Variants in C10orf67 observed in about 807,000 individuals in gnomAD.
C10orf67 encodes the protein chromosome 10 open reading frame 67.
A neutral mutation model predicts 35.6 loss-of-function variants in C10orf67; 60 were observed. The ratio of observed to expected loss-of-function variants is 1.68; its 90% CI spans 1.37 to 2.09. The LOEUF (loss-of-function observed/expected upper bound fraction) is 2.09, where lower values mean the gene tolerates loss of function less well. C10orf67 is among the 30% of genes most tolerant of loss of function. The pLI is 0.00. For synonymous variants in C10orf67, 167 were observed against 115.8 expected (o/e 1.44, Z -2.84); for missense variants, 474 against 330.2 (o/e 1.44, Z -3.38).
rs549021212 is a variant in C10orf67 at position 23,319,103 on chromosome 10, C to A, written c.546+1638G>T. On this transcript the variant is annotated intron_variant, in intron 4 of 15. Transcript: ENST00000636213. ...TTGGTGTACAGATTATTTCATCATG[C>A]AGGTAATAAGCATAGTACTCAATAG... Among the ~76,000 whole-genome samples the A allele has an allele frequency of 1.3e-3, 197 of 152,162 alleles. 1 individual carries two copies. Among genetic ancestry groups the A allele is most frequent in the African/African-American group, 4.4e-3 (183 of 41,496 alleles).
At chr10:23,330,197 C>T (rs1232556832) in intron 2 of C10orf67, among the ~76,000 whole-genome samples, 1 of 152,202 alleles carries the variant, frequency 6.6e-6, no homozygotes, top group African/African-American at 2.4e-5. Flanking sequence ...GTGGCTCATG[C>T]CTGTATTCCC....
At chr10:23,223,168 C>T (rs1484652449) in intron 15 of C10orf67, among the ~76,000 whole-genome samples, 1 of 152,060 alleles carries the variant, frequency 6.6e-6, no homozygotes, top group Non-Finnish European at 1.5e-5. Context: ...CAGCCTTGAC[C>T]TCCTGGGCTC....
chr10:23,237,672 C>A (rs1263899623), intron 13 of C10orf67, among the ~76,000 whole-genome samples: 2 of 152,090 alleles, frequency 1.3e-5, no homozygotes, highest in Admixed American at 1.3e-4. Flanking sequence ...GTAAAATGGG[C>A]CAGACATAGC....
chr10:23,312,622 A>G (rs1032628515), intron 4 of C10orf67, among the ~76,000 whole-genome samples: 1 of 152,052 alleles, frequency 6.6e-6, no homozygotes, highest in African/African-American at 2.4e-5. Flanking sequence ...ATATACATAA[A>G]TGTATCTACA....
chr10:23,214,791 G>A (rs956192862), intron 15 of C10orf67, among the ~76,000 whole-genome samples: 2 of 152,214 alleles, frequency 1.3e-5, no homozygotes, highest in Admixed American at 1.3e-4. Context: ...GGGAGGCTAA[G>A]TTGGGCAGAT....
At position 23,283,479 on chromosome 10, in the gene C10orf67, T is replaced by C. The variant is rs77533277; in HGVS notation, c.910-1401A>G. 3.0e-3 allele frequency among the ~76,000 whole-genome samples: 459 copies of C among 152,300 alleles called. 14 individuals carry two copies. The East Asian group carries it at 0.05, about 16-fold the overall frequency. ...CTTCACTGGACTCTGGTTCCGGGCT[T>C]TCCTCCCTCCCATTAATTTTCTTTC... is the stretch of plus-strand genomic sequence containing the variant. On this transcript the variant is annotated intron_variant, in intron 7 of 15. Transcript: ENST00000636213.
In C10orf67 at chr10:23,320,741, C is replaced by T. The variant is rs756784171; in HGVS notation, c.546G>A (p.Gln182=). The part of the protein sequence containing the change: ...DAIAVIKGMY[Q]QFFEVEEENV... The stretch of plus-strand genomic sequence containing the variant: ...TACGGCACCAGAAACAGAAACTCAC[C>T]TGGTACATTCCTTTGATAACAGCTA... The change falls in exon 4 of 16, where the codon CAG becomes CAA. Residue 182 remains glutamine (Q), a splice_region_variant and synonymous_variant. Transcript: ENST00000636213. The T allele has an allele frequency of 1.3e-5, 20 of 1,586,134 alleles. No individual in the cohort carries two copies. The highest frequency in any genetic ancestry group is 2.3e-5 in the East Asian group (1 of 44,190).
At chr10:23,339,637 C>T (rs1449634622) in intron 1 of C10orf67, among the ~76,000 whole-genome samples, 1 of 152,128 alleles carries the variant, frequency 6.6e-6, no homozygotes, top group Non-Finnish European at 1.5e-5. Context: ...CCTTTGAGGG[C>T]GGGTCTTCTA....
chr10:23,217,945 A>G (rs925860416), intron 15 of C10orf67, among the ~76,000 whole-genome samples: 4 of 152,216 alleles, frequency 2.6e-5, no homozygotes, highest in African/African-American at 9.6e-5. Context: ...TTTTCAAAGC[A>G]TATGGGTTGC....
chr10:23,254,559 G>A (rs543924843), intron 10 of C10orf67, among the ~76,000 whole-genome samples: 1 of 152,080 alleles, frequency 6.6e-6, no homozygotes, highest in Non-Finnish European at 1.5e-5. Context: ...TTTTGAATTT[G>A]TATATACATT....
chr10:23,323,680 G>A (rs1449821510), intron 2 of C10orf67, among the ~76,000 whole-genome samples: 6 of 151,180 alleles, frequency 4.0e-5, no homozygotes, highest in African/African-American at 1.5e-4. Flanking sequence ...GGACGCTGAA[G>A]TGGACAGATC....
intron 12 of C10orf67, 33 bp from the exon 13 acceptor site, chr10:23,239,849 T>C (rs1173878720): frequency 3.4e-6 from 2 of 596,394 alleles, no homozygotes. Flanking sequence ...ACTTAAAATG[T>C]ATGTAAATCA....
intron 2 of C10orf67, among the ~76,000 whole-genome samples, chr10:23,327,941 T>C (rs1363888647): frequency 6.6e-6 from 1 of 152,096 alleles, no homozygotes; most frequent in African/African-American, 2.4e-5. Context: ...AAGGACTGCG[T>C]TCTCCAACAA....
intron 12 of C10orf67, among the ~76,000 whole-genome samples, chr10:23,242,197 C>T (rs920303955): frequency 2.0e-5 from 3 of 152,048 alleles, no homozygotes; most frequent in African/African-American, 7.2e-5. Context: ...TCTTGAACTC[C>T]TGACCTCATG....
intron 15 of C10orf67, among the ~76,000 whole-genome samples, chr10:23,214,838 C>A (rs1841390367): frequency 6.6e-6 from 1 of 152,146 alleles, no homozygotes; most frequent in Non-Finnish European, 1.5e-5. Context: ...GCCTGGACAA[C>A]ATGGCAAAAT....
chr10:23,213,208 C>G (rs1356496467), intron 15 of C10orf67, among the ~76,000 whole-genome samples: 1 of 151,842 alleles, frequency 6.6e-6, no homozygotes, highest in Non-Finnish European at 1.5e-5. Context: ...ATATACACAA[C>G]AAAGAAAAAT....
chr10:23,315,350 C>T (rs1023577851), intron 4 of C10orf67, among the ~76,000 whole-genome samples: 3 of 152,118 alleles, frequency 2.0e-5, no homozygotes, highest in East Asian at 3.8e-4. Context: ...TATTTTTGAA[C>T]ATTTGATATA....
At chr10:23,204,463 C>T (rs1032726508) in intron 15 of C10orf67, among the ~76,000 whole-genome samples, 45 of 152,272 alleles carry the variant, frequency 3.0e-4, no homozygotes, top group African/African-American at 1.1e-3. Context: ...GCCTTCCAGA[C>T]AGCGTGTGCC....
intron 8 of C10orf67, among the ~76,000 whole-genome samples, chr10:23,273,730 C>T (rs1433120543): frequency 6.6e-6 from 1 of 152,158 alleles, no homozygotes; most frequent in Non-Finnish European, 1.5e-5. Context: ...AATAGCTGGT[C>T]CACAGTAATT....
Sources: gnomAD v4.1 joint callset for allele counts (sites outside exome capture counted in the v4.1 genomes callset) on GRCh38, gnomAD v4.1.1 for gene constraint, MANE v1.5 for transcripts, NCBI Gene and HGNC (gene_info 2026-07-23, HGNC 2026-07-21) for gene names.